The following CNTN5 variants were observed in gnomAD, a reference collection of about 807,000 sequenced individuals.
CNTN5 encodes the protein contactin 5.
Under a neutral mutation model 129.1 loss-of-function variants are expected in CNTN5, and 77 were observed. That is an observed-to-expected ratio of 0.60 (90% CI 0.50 to 0.72). The LOEUF (loss-of-function observed/expected upper bound fraction) is 0.72, where lower values mean the gene tolerates loss of function less well. Among genes scored for constraint, CNTN5 ranks in the 30% least tolerant of loss-of-function variants. The probability of loss-of-function intolerance (pLI) is 0.00; values close to 1 mark genes in which losing one functional copy is unlikely to be tolerated. For synonymous variants in CNTN5, 509 were observed against 465.6 expected (o/e 1.09, Z -1.20); for missense variants, 1,478 against 1,328.8 (o/e 1.11, Z -1.75).
At chr11:100,207,151 A>C (rs982473755) in intron 15 of CNTN5, among the ~76,000 whole-genome samples, 1 of 152,094 alleles carries the variant, frequency 6.6e-6, no homozygotes, top group African/African-American at 2.4e-5. Flanking sequence ...TGGACCTTTA[A>C]ACAACTATTT....
intron 2 of CNTN5, among the ~76,000 whole-genome samples, chr11:99,355,860 T>G (rs1938623476): frequency 6.7e-6 from 1 of 149,958 alleles, no homozygotes; most frequent in African/African-American, 2.5e-5. Context: ...GGAATCTCGC[T>G]CTTTCGCCCA....
intron 1 of CNTN5, among the ~76,000 whole-genome samples, chr11:99,042,277 G>C (rs796618591): frequency 5.1e-4 from 77 of 150,740 alleles, no homozygotes; most frequent in African/African-American, 1.9e-3. Context: ...TAGATGACGG[G>C]TTGATGGGTG....
chr11:99,170,010 T>C (rs1024586362), intron 1 of CNTN5, among the ~76,000 whole-genome samples: 1 of 152,196 alleles, frequency 6.6e-6, no homozygotes, highest in Non-Finnish European at 1.5e-5. Flanking sequence ...CAAAGATTAC[T>C]TCTTGTTTTC....
chr11:99,815,299 AAAC>A (rs1946551327), intron 3 of CNTN5, among the ~76,000 whole-genome samples: 3 of 151,038 alleles, frequency 2.0e-5, no homozygotes, highest in African/African-American at 7.2e-5. Context: ...CCTATCAATG[AAAC>A]AACATTTCCC....
At chr11:100,182,914 A>C (rs2123322) in intron 13 of CNTN5, among the ~76,000 whole-genome samples, 17,346 of 151,864 alleles carry the variant, frequency 0.11, 1,226 homozygotes, top group Non-Finnish European at 0.16. Flanking sequence ...TAAAAAAAAA[A>C]CTCTAAATCT....
chr11:100,223,781 C>T (rs1949316132), intron 15 of CNTN5, among the ~76,000 whole-genome samples: 1 of 152,030 alleles, frequency 6.6e-6, no homozygotes, highest in Non-Finnish European at 1.5e-5. Flanking sequence ...TGGAGTTTTG[C>T]TATGTCATTA....
chr11:100,134,861 T>C (rs1177615436), intron 13 of CNTN5, among the ~76,000 whole-genome samples: 2 of 152,286 alleles, frequency 1.3e-5, no homozygotes, highest in African/African-American at 4.8e-5. Flanking sequence ...TGTATTTTAT[T>C]GTTTTCTGCA....
chr11:99,427,622 T>G (rs1478027110), intron 2 of CNTN5, among the ~76,000 whole-genome samples: 2 of 151,452 alleles, frequency 1.3e-5, no homozygotes, highest in Non-Finnish European at 2.9e-5. Flanking sequence ...AAAAATTAGC[T>G]GGGCATGGTG....
chr11:99,167,962 A>G (rs1484882068), intron 1 of CNTN5, among the ~76,000 whole-genome samples: 1 of 151,066 alleles, frequency 6.6e-6, no homozygotes, highest in Non-Finnish European at 1.5e-5. Flanking sequence ...TGGAGATAGC[A>G]TGTCAATCTG....
intron 13 of CNTN5, among the ~76,000 whole-genome samples, chr11:100,141,673 T>A (rs892157278): frequency 6.6e-6 from 1 of 152,160 alleles, no homozygotes; most frequent in Admixed American, 6.6e-5. Context: ...AGTCAACATT[T>A]GTTATAGAAA....
chr11:99,308,552 A>G (rs553473601), intron 1 of CNTN5, among the ~76,000 whole-genome samples: 9 of 152,338 alleles, frequency 5.9e-5, no homozygotes, highest in Middle Eastern at 3.4e-3. Flanking sequence ...TAGAACTTTC[A>G]GAACTGGAAA....
chr11:99,719,612 C>G lies in CNTN5; in HGVS notation c.56-99932C>G, dbSNP rs527558039. 4.6e-5 allele frequency among the ~76,000 whole-genome samples: 7 copies of G among 151,922 alleles called. No individual in the cohort carries two copies. In the East Asian group the frequency reaches 1.4e-3, roughly 30 times the overall value. ...GTTACAAAGATCTCAAATTAACAACCTAACTTCACAACTGAAAGAATTAGA... is the reference window on the plus strand; with the variant it reads ...GTTACAAAGATCTCAAATTAACAACGTAACTTCACAACTGAAAGAATTAGA... On this transcript the variant is annotated intron_variant, in intron 3 of 24. Coordinates refer to ENST00000524871, the MANE Select transcript of CNTN5 (RefSeq NM_014361.4).
intron 8 of CNTN5, among the ~76,000 whole-genome samples, chr11:99,986,570 T>A (rs1469639483): frequency 6.6e-6 from 1 of 152,166 alleles, no homozygotes; most frequent in Non-Finnish European, 1.5e-5. Context: ...CACATTTCCC[T>A]CCATCCTGAA....
At position 100,218,718 on chromosome 11, in the gene CNTN5, T is replaced by C. The variant is rs60740866; in HGVS notation, c.1885-5974T>C. On this transcript the variant is annotated intron_variant, in intron 15 of 24. Coordinates refer to ENST00000524871, the MANE Select transcript of CNTN5 (RefSeq NM_014361.4). ...GAACAAGGTCTTAACATATGAGATATAATTTGTAGATTTTGGTGGATCACT... is the reference window on the plus strand; with the variant it reads ...GAACAAGGTCTTAACATATGAGATACAATTTGTAGATTTTGGTGGATCACT... Among the ~76,000 whole-genome samples, 576 of 152,340 alleles carry C rather than the reference T, an allele frequency of 3.8e-3. 8 individuals are homozygous for C. In the East Asian group the frequency reaches 0.048, roughly 13 times the overall value.
At chr11:99,623,748 TAAAAA>T (rs3029363) in intron 3 of CNTN5, among the ~76,000 whole-genome samples, 1 of 139,658 alleles carries the variant, frequency 7.2e-6, no homozygotes, top group Non-Finnish European at 1.5e-5. Flanking sequence ...ATACAAAAAA[TAAAAA>T]AAAAAAGATA....
intron 6 of CNTN5, among the ~76,000 whole-genome samples, chr11:99,856,923 C>A (rs1466803281): frequency 2.0e-5 from 3 of 152,144 alleles, no homozygotes; most frequent in Admixed American, 2.0e-4. Flanking sequence ...ATCATGTTTT[C>A]TCTGCCTGCT....
chr11:99,705,294 A>T (rs1954707058), intron 3 of CNTN5, among the ~76,000 whole-genome samples: 1 of 151,362 alleles, frequency 6.6e-6, no homozygotes, highest in Non-Finnish European at 1.5e-5. Context: ...GTGGTCACTG[A>T]ATCCAGATAT....
chr11:100,179,597 G>A (rs1289758229), intron 13 of CNTN5, among the ~76,000 whole-genome samples: 1 of 151,986 alleles, frequency 6.6e-6, no homozygotes, highest in Non-Finnish European at 1.5e-5. Context: ...AAACCTGCGA[G>A]AAGAAATGTG....
intron 10 of CNTN5, among the ~76,000 whole-genome samples, chr11:100,066,297 C>T (rs1943692930): frequency 6.6e-6 from 1 of 152,000 alleles, no homozygotes; most frequent in Non-Finnish European, 1.5e-5. Flanking sequence ...ATAATCTCTC[C>T]AATATAACAC....
Sources: gnomAD v4.1 joint callset for allele counts (sites outside exome capture counted in the v4.1 genomes callset) on GRCh38, gnomAD v4.1.1 for gene constraint, MANE v1.5 for transcripts, NCBI Gene and HGNC (gene_info 2026-07-23, HGNC 2026-07-21) for gene names.